The following TMPRSS11A variants were observed in gnomAD, a reference collection of about 807,000 sequenced individuals.
TMPRSS11A encodes transmembrane serine protease 11A, also known as transmembrane protease serine 11A.
Under a neutral mutation model 58.9 loss-of-function variants are expected in TMPRSS11A, and 53 were observed. The observed-to-expected ratio is 0.90, with a 90% CI of 0.72 to 1.13. The LOEUF (loss-of-function observed/expected upper bound fraction) is 1.13, where lower values mean the gene tolerates loss of function less well. Ranked by LOEUF, TMPRSS11A falls within the 50% of genes most tolerant of loss-of-function variation. TMPRSS11A has a pLI of 0.00. For synonymous variants in TMPRSS11A, 167 were observed against 169.8 expected (o/e 0.98, Z 0.13); for missense variants, 493 against 499.3 (o/e 0.99, Z 0.12).
chr4:67,958,670 G>C (rs1262182400), intron 1 of TMPRSS11A, among the ~76,000 whole-genome samples: 1 of 152,184 alleles, frequency 6.6e-6, no homozygotes, highest in Non-Finnish European at 1.5e-5. Flanking sequence ...GCTGAAATGA[G>C]TTAAGACTTT....
At chr4:67,947,760 T>C (rs148450807) in intron 1 of TMPRSS11A, among the ~76,000 whole-genome samples, 1 of 152,348 alleles carries the variant, frequency 6.6e-6, no homozygotes, top group African/African-American at 2.4e-5. Context: ...TTTGCATGTA[T>C]GTTCACTTAC....
In TMPRSS11A at chr4:67,909,546, TAA is replaced by T. The variant is rs1323755447; in HGVS notation, c.*1794_*1795del. The T allele has an allele frequency of 1.3e-5, 2 of 152,188 alleles. No individual in the cohort carries two copies. The highest frequency in any genetic ancestry group is 1.9e-4 in the East Asian group (1 of 5,200). 9.4% of individuals were successfully genotyped at this position (152,188 alleles called of 1,614,324 possible). A position where few individuals can be genotyped will look rare whatever the true frequency, so the allele number is the denominator to read the frequency against. ...GAATCTGAACATCCAAAGTCAGCAT[TAA>T]GTTTTACCACCATAATATAGAATAA... On this transcript the variant is annotated 3_prime_UTR_variant, in exon 10 of 10. Transcript: ENST00000508048.
chr4:67,956,932 A>G (rs1721303819), intron 1 of TMPRSS11A, among the ~76,000 whole-genome samples: 1 of 152,136 alleles, frequency 6.6e-6, no homozygotes, highest in African/African-American at 2.4e-5. Context: ...TGAATCATGG[A>G]GGTGGGTCTT....
chr4:67,930,467 T>C (rs1345351499), intron 4 of TMPRSS11A, among the ~76,000 whole-genome samples: 1 of 152,144 alleles, frequency 6.6e-6, no homozygotes, highest in Non-Finnish European at 1.5e-5. Context: ...CTTGTTTCTC[T>C]TTGGTCAGCT....
At chr4:67,936,534 G>A (rs1463760110) in intron 3 of TMPRSS11A, among the ~76,000 whole-genome samples, 1 of 152,104 alleles carries the variant, frequency 6.6e-6, no homozygotes, top group Non-Finnish European at 1.5e-5. Context: ...GTGTGTGGGT[G>A]TGGAGGGTGC....
intron 1 of TMPRSS11A, among the ~76,000 whole-genome samples, chr4:67,955,227 G>C (rs910078290): frequency 2.0e-5 from 3 of 152,148 alleles, no homozygotes; most frequent in Non-Finnish European, 2.9e-5. Context: ...GGAAGATGCT[G>C]TTTAATTAGT....
At chr4:67,957,591 C>T (rs1721317495) in intron 1 of TMPRSS11A, among the ~76,000 whole-genome samples, 1 of 152,072 alleles carries the variant, frequency 6.6e-6, no homozygotes, top group South Asian at 2.1e-4. Flanking sequence ...TACTTGGGTG[C>T]TATTAAGGCA....
intron 2 of TMPRSS11A, among the ~76,000 whole-genome samples, chr4:67,946,148 C>CA (rs1720997386): frequency 6.6e-6 from 1 of 152,036 alleles, no homozygotes; most frequent in Admixed American, 6.5e-5. Context: ...AAGTTTCAGA[C>CA]AATTACAATT....
chr4:67,942,024 A>C (rs1720893158), intron 3 of TMPRSS11A, among the ~76,000 whole-genome samples: 1 of 152,232 alleles, frequency 6.6e-6, no homozygotes, highest in Non-Finnish European at 1.5e-5. Context: ...CAATACAAAT[A>C]AGGTGAAAAA....
chr4:67,940,283 T>C (rs760618442), intron 3 of TMPRSS11A, among the ~76,000 whole-genome samples: 4 of 152,198 alleles, frequency 2.6e-5, no homozygotes, highest in Admixed American at 6.5e-5. Flanking sequence ...TCTCAATTCT[T>C]TGGAATAGTT....
At chr4:67,953,558 G>A (rs746421370) in intron 1 of TMPRSS11A, among the ~76,000 whole-genome samples, 6 of 152,112 alleles carry the variant, frequency 3.9e-5, no homozygotes, top group Non-Finnish European at 5.9e-5. Flanking sequence ...CAACACTTTC[G>A]GAGGTAGAGG....
intron 7 of TMPRSS11A, 40 bp from the exon 8 acceptor site, chr4:67,919,272 C>A (rs1020375828): frequency 6.3e-7 from 1 of 1,584,470 alleles, no homozygotes; most frequent in Non-Finnish European, 8.6e-7. Context: ...ATATAAGCTG[C>A]CCAAAGTATA....
intron 4 of TMPRSS11A, among the ~76,000 whole-genome samples, chr4:67,930,668 C>T (rs972066288): frequency 6.6e-6 from 1 of 151,428 alleles, no homozygotes; most frequent in Non-Finnish European, 1.5e-5. Context: ...GAACTTTGAT[C>T]ATATAAACAG....
chr4:67,963,029 T>C (rs572504907), intron 1 of TMPRSS11A, among the ~76,000 whole-genome samples: 1 of 152,322 alleles, frequency 6.6e-6, no homozygotes, highest in Non-Finnish European at 1.5e-5. Flanking sequence ...TTGTCAATAT[T>C]GCTGAAAGAA....
At chr4:67,940,884 A>G (rs1289680374) in intron 3 of TMPRSS11A, among the ~76,000 whole-genome samples, 1 of 152,212 alleles carries the variant, frequency 6.6e-6, no homozygotes, top group Non-Finnish European at 1.5e-5. Context: ...TTGAACATGT[A>G]TACTTAGGCA....
At chr4:67,929,732 A>G in intron 5 of TMPRSS11A, 148 bp downstream of exon 5, 2 of 743,844 alleles carry the variant, frequency 2.7e-6, no homozygotes, top group South Asian at 4.2e-5. Context: ...AGACTAATAC[A>G]CCTTGAAATG....
rs1403642619 is a variant in TMPRSS11A at position 67,911,305 on chromosome 4, C to T, written c.*37G>A. 6.2e-7 allele frequency: 1 copy of T among 1,601,094 alleles called. No homozygotes were observed. Among genetic ancestry groups the T allele is most frequent in the Non-Finnish European group, 8.5e-7 (1 of 1,170,632 alleles). ...AGTTGAATTCTCATGCATATATGAC[C>T]TGCATACAGCTTTCTTTGTTTAACT... On this transcript the variant is annotated 3_prime_UTR_variant, in exon 10 of 10. Coordinates refer to ENST00000508048, the MANE Select transcript of TMPRSS11A (RefSeq NM_001114387.2).
intron 4 of TMPRSS11A, among the ~76,000 whole-genome samples, chr4:67,931,648 C>T (rs777765876): frequency 6.6e-6 from 1 of 152,178 alleles, no homozygotes; most frequent in Non-Finnish European, 1.5e-5. Flanking sequence ...CATAATATAA[C>T]TTGGTGCATG....
In TMPRSS11A at chr4:67,911,830, C is replaced by T. The variant is rs75578795; in HGVS notation, c.1096-327G>A. Among the ~76,000 whole-genome samples the T allele has an allele frequency of 8.7e-3, 1,320 of 152,214 alleles. 18 individuals are homozygous for T. The highest frequency in any genetic ancestry group is 0.03 in the African/African-American group (1,234 of 41,542). ...TTCTCCAAGAGGTAGCCACTTCATG[C>T]TTGTTTAATGATTTCTTATAGTATC... On this transcript the variant is annotated intron_variant, in intron 9 of 9. Coordinates refer to ENST00000508048, the MANE Select transcript of TMPRSS11A (RefSeq NM_001114387.2).
Sources: allele counts gnomAD v4.1 joint callset (sites outside exome capture counted in the v4.1 genomes callset), GRCh38; gene constraint gnomAD v4.1.1; transcripts MANE v1.5; gene names NCBI Gene and HGNC (gene_info 2026-07-23, HGNC 2026-07-21).